The following SWT1 variants were observed in gnomAD, a reference collection of about 807,000 sequenced individuals.
SWT1 encodes the protein SWT1 RNA endoribonuclease homolog.
In SWT1, 33 loss-of-function variants were observed where a neutral mutation model predicts 107.3. The observed-to-expected ratio is 0.31, with a 90% CI of 0.23 to 0.41. The LOEUF (loss-of-function observed/expected upper bound fraction) is 0.41, where lower values mean the gene tolerates loss of function less well. Ranked by LOEUF, SWT1 falls within the 10% of genes least tolerant of loss-of-function variation. The pLI, the probability that SWT1 is intolerant of heterozygous loss-of-function variation, is 1.00. For missense variants in SWT1, 898 were observed against 1,028.9 expected (o/e 0.87, Z 1.74); for synonymous variants, 345 against 348.3 (o/e 0.99, Z 0.11).
intron 16 of SWT1, among the ~76,000 whole-genome samples, chr1:185,244,035 T>C (rs1661431947): frequency 6.6e-6 from 1 of 152,158 alleles, no homozygotes; most frequent in Admixed American, 6.5e-5. Flanking sequence ...TTACCCATGC[T>C]GCCTATATTC....
intron 5 of SWT1, chr1:185,176,562 A>G (rs1399065896): frequency 2.0e-6 from 2 of 979,756 alleles, no homozygotes; most frequent in African/African-American, 3.5e-5. Context: ...TATGTCAAAT[A>G]AAGTTACTTA....
intron 14 of SWT1, among the ~76,000 whole-genome samples, chr1:185,217,875 CAT>C: frequency 6.6e-6 from 1 of 152,280 alleles, no homozygotes; most frequent in East Asian, 1.9e-4. Flanking sequence ...GGATTACAGA[CAT>C]GAGCCACTGC....
Position 185,245,599 on chromosome 1 carries a change from C to A in SWT1, c.2441+13891C>A, listed in dbSNP as rs576663654. ...TCATTGTTAAGTATAATGTGCTGTACTTAATTGTATGTGCTATACTTTTAG... is the reference window on the plus strand; with the variant it reads ...TCATTGTTAAGTATAATGTGCTGTAATTAATTGTATGTGCTATACTTTTAG... On this transcript the variant is annotated intron_variant, in intron 16 of 18. Coordinates refer to ENST00000367500, the MANE Select transcript of SWT1 (RefSeq NM_017673.7). Among the ~76,000 whole-genome samples the A allele has an allele frequency of 2.1e-3, 315 of 152,154 alleles. 2 individuals are homozygous for A. The highest frequency in any genetic ancestry group is 7.3e-3 in the African/African-American group (303 of 41,494).
chr1:185,280,199 A>G (rs762592211), intron 18 of SWT1, among the ~76,000 whole-genome samples: 1 of 152,008 alleles, frequency 6.6e-6, no homozygotes, highest in Non-Finnish European at 1.5e-5. Context: ...TTCCCACTTC[A>G]CTCAGCACTT....
intron 12 of SWT1, among the ~76,000 whole-genome samples, chr1:185,205,318 T>C (rs1658246275): frequency 6.6e-6 from 1 of 152,196 alleles, no homozygotes; most frequent in African/African-American, 2.4e-5. Flanking sequence ...TCACACCTTT[T>C]TGACAATCAG....
At chr1:185,213,645 T>C (rs906216396) in intron 13 of SWT1, among the ~76,000 whole-genome samples, 1 of 152,160 alleles carries the variant, frequency 6.6e-6, no homozygotes, top group African/African-American at 2.4e-5. Flanking sequence ...CTGTGAACAT[T>C]AAAACAAAAA....
At chr1:185,175,397 T>C (rs1461311855) in intron 5 of SWT1, among the ~76,000 whole-genome samples, 1 of 152,098 alleles carries the variant, frequency 6.6e-6, no homozygotes, top group Non-Finnish European at 1.5e-5. Flanking sequence ...GGGCTAACTT[T>C]GGTGTTTTTT....
chr1:185,212,015 G>A lies in SWT1; in HGVS notation c.1973-2492G>A, dbSNP rs377423529. On this transcript the variant is annotated intron_variant, in intron 13 of 18. Transcript: ENST00000367500. ...GGTGGGAATTGAACAATGAGAACAC[G>A]TGGACACAGGAAGGGGAACATCACA... is the stretch of plus-strand genomic sequence containing the variant. 6.5e-3 allele frequency among the ~76,000 whole-genome samples: 982 copies of A among 151,732 alleles called. 33 individuals carry two copies. In the East Asian group the frequency reaches 0.096, roughly 15 times the overall value.
intron 4 of SWT1, among the ~76,000 whole-genome samples, chr1:185,173,852 A>G (rs1182384204): frequency 1.3e-5 from 2 of 152,158 alleles, no homozygotes; most frequent in African/African-American, 4.8e-5. Flanking sequence ...CCTTGTCACT[A>G]CAAAAAAATT....
At chr1:185,202,335 C>CTTA (rs1657950737) in intron 10 of SWT1, among the ~76,000 whole-genome samples, 2 of 152,160 alleles carry the variant, frequency 1.3e-5, no homozygotes, top group African/African-American at 4.8e-5. Flanking sequence ...CCAGCTCCCA[C>CTTA]TTACTGGGTG....
At chr1:185,257,699 G>T (rs1234169366) in intron 16 of SWT1, among the ~76,000 whole-genome samples, 1 of 152,244 alleles carries the variant, frequency 6.6e-6, no homozygotes, top group Non-Finnish European at 1.5e-5. Context: ...CTAGTGAGAT[G>T]AACCTGGTAT....
intron 9 of SWT1, 47 bp from the exon 10 acceptor site, chr1:185,190,502 C>T: frequency 9.6e-7 from 1 of 1,045,908 alleles, no homozygotes; most frequent in Non-Finnish European, 1.5e-6. Flanking sequence ...CTGTGTCACC[C>T]ACATTTCTAG....
chr1:185,276,978 A>G (rs1664285197), intron 18 of SWT1, among the ~76,000 whole-genome samples: 1 of 152,184 alleles, frequency 6.6e-6, no homozygotes. Context: ...TTGCTGTATT[A>G]AAACTTAGAA....
chr1:185,202,830 A>G, intron 11 of SWT1, 31 bp downstream of exon 11: 1 of 1,281,152 alleles, frequency 7.8e-7, no homozygotes, highest in Non-Finnish European at 1.1e-6. Context: ...AATTAGAGAT[A>G]TATCTTATTT....
intron 2 of SWT1, among the ~76,000 whole-genome samples, chr1:185,162,847 A>G (rs1302577368): frequency 6.6e-6 from 1 of 151,878 alleles, no homozygotes; most frequent in Admixed American, 6.5e-5. Context: ...ATTTAAAAAT[A>G]GGCTCAGGCG....
At chr1:185,247,463 G>T (rs1285006891) in intron 16 of SWT1, among the ~76,000 whole-genome samples, 1 of 152,142 alleles carries the variant, frequency 6.6e-6, no homozygotes, top group Non-Finnish European at 1.5e-5. Flanking sequence ...ACTTATATCT[G>T]CTCTTTCATT....
chr1:185,182,437 A>G (rs1656095249), intron 7 of SWT1, among the ~76,000 whole-genome samples: 1 of 151,830 alleles, frequency 6.6e-6, no homozygotes, highest in Non-Finnish European at 1.5e-5. Flanking sequence ...GAAGGCTGAG[A>G]TGGGAGGATT....
At chr1:185,232,329 T>C (rs1660561654) in intron 16 of SWT1, among the ~76,000 whole-genome samples, 1 of 152,208 alleles carries the variant, frequency 6.6e-6, no homozygotes, top group African/African-American at 2.4e-5. Flanking sequence ...GTTCTGATTT[T>C]AGCTGTGTAA....
chr1:185,186,634 G>A (rs1656491463), intron 9 of SWT1, among the ~76,000 whole-genome samples: 1 of 151,868 alleles, frequency 6.6e-6, no homozygotes. Context: ...AATATGTGAA[G>A]TATAATTCTA....
Sources: gnomAD v4.1 joint callset for allele counts (sites outside exome capture counted in the v4.1 genomes callset) on GRCh38, gnomAD v4.1.1 for gene constraint, MANE v1.5 for transcripts, NCBI Gene and HGNC (gene_info 2026-07-23, HGNC 2026-07-21) for gene names.